BBS9: variants seen among roughly 807,000 people sequenced by gnomAD.
BBS9 encodes protein PTHB1.
A neutral mutation model predicts 117.7 loss-of-function variants in BBS9; 89 were observed. The ratio of observed to expected loss-of-function variants is 0.76; its 90% CI spans 0.64 to 0.90. BBS9 has a LOEUF of 0.90. Among genes scored for constraint, BBS9 ranks in the 40% least tolerant of loss-of-function variants. The pLI, the probability that BBS9 is intolerant of heterozygous loss-of-function variation, is 0.00. For synonymous variants in BBS9, 379 were observed against 370.9 expected (o/e 1.02, Z -0.25); for missense variants, 982 against 1,042.2 (o/e 0.94, Z 0.80).
intron 21 of BBS9, among the ~76,000 whole-genome samples, chr7:33,629,309 G>A (rs923510146): frequency 6.6e-6 from 1 of 152,144 alleles, no homozygotes; most frequent in Non-Finnish European, 1.5e-5. Context: ...TGCATGGGGG[G>A]GTTCTTGCTA....
chr7:33,407,034 A>C (rs894183009), intron 19 of BBS9, among the ~76,000 whole-genome samples: 6 of 152,102 alleles, frequency 3.9e-5, no homozygotes, highest in African/African-American at 1.4e-4. Flanking sequence ...GATGTTTTCC[A>C]AGTTGGTTCC....
At chr7:33,403,206 C>T (rs1829235479) in intron 19 of BBS9, among the ~76,000 whole-genome samples, 1 of 151,252 alleles carries the variant, frequency 6.6e-6, no homozygotes, top group African/African-American at 2.4e-5. Context: ...AGGTAGTGAA[C>T]ATGGTACCCA....
Position 33,364,097 on chromosome 7 carries a change from C to T in BBS9, c.1694-3670C>T, listed in dbSNP as rs530077345. On this transcript the variant is annotated intron_variant, in intron 16 of 22. Coordinates refer to ENST00000242067, the MANE Select transcript of BBS9 (RefSeq NM_198428.3). The stretch of plus-strand genomic sequence containing the variant: ...CCGAGTAGCTGGGACTACAGGCGCC[C>T]GCTACCACGCCCGGCTAATTTTTTG... Among the ~76,000 whole-genome samples, 4 of 88,712 alleles carry T rather than the reference C, an allele frequency of 4.5e-5. 1 individual carries two copies. The highest frequency in any genetic ancestry group is 9.7e-5 in the African/African-American group (2 of 20,552). 58.2% of individuals were successfully genotyped at this position (88,712 alleles called of 152,430 possible).
chr7:33,236,430 A>G (rs1793514663), intron 5 of BBS9, among the ~76,000 whole-genome samples: 1 of 151,868 alleles, frequency 6.6e-6, no homozygotes, highest in Non-Finnish European at 1.5e-5. Flanking sequence ...GTGATTGCTA[A>G]TTCAGAATTT....
intron 19 of BBS9, among the ~76,000 whole-genome samples, chr7:33,423,537 T>G (rs1012418327): frequency 6.6e-6 from 1 of 151,008 alleles, no homozygotes; most frequent in Non-Finnish European, 1.5e-5. Context: ...GTGTGAAGAA[T>G]ATATAAATGT....
At chr7:33,386,737 G>A (rs528004035) in intron 18 of BBS9, among the ~76,000 whole-genome samples, 12 of 151,656 alleles carry the variant, frequency 7.9e-5, no homozygotes, top group African/African-American at 1.2e-4. Context: ...CTCGTGATCC[G>A]CCCGCCTCGG....
chr7:33,491,366 G>T (rs1205043824), intron 19 of BBS9, among the ~76,000 whole-genome samples: 1 of 152,166 alleles, frequency 6.6e-6, no homozygotes, highest in Non-Finnish European at 1.5e-5. Context: ...ATGGGTGTAT[G>T]GGTGGGAGAG....
At chr7:33,213,001 G>A (rs1187110222) in intron 5 of BBS9, among the ~76,000 whole-genome samples, 1 of 152,154 alleles carries the variant, frequency 6.6e-6, no homozygotes, top group African/African-American at 2.4e-5. Flanking sequence ...AAGGCCTGCT[G>A]TAACCACTAC....
At chr7:33,489,155 G>A (rs964559301) in intron 19 of BBS9, among the ~76,000 whole-genome samples, 1 of 151,640 alleles carries the variant, frequency 6.6e-6, no homozygotes, top group African/African-American at 2.4e-5. Flanking sequence ...ACCACGCCTG[G>A]CTAACTTTTT....
intron 19 of BBS9, among the ~76,000 whole-genome samples, chr7:33,470,910 A>G (rs6462480): frequency 0.73 from 110,330 of 151,304 alleles, 40,673 homozygotes; most frequent in African/African-American, 0.85. Context: ...AAAAGATGGG[A>G]GGGATAGAAA....
intron 21 of BBS9, among the ~76,000 whole-genome samples, chr7:33,549,125 T>C (rs1002999757): frequency 1.4e-5 from 2 of 146,720 alleles, no homozygotes; most frequent in Non-Finnish European, 3.0e-5. Flanking sequence ...TAACGCCGCA[T>C]ATCTACAGCT....
At chr7:33,331,354 T>C (rs1346621323) in intron 9 of BBS9, among the ~76,000 whole-genome samples, 3 of 152,202 alleles carry the variant, frequency 2.0e-5, no homozygotes, top group Non-Finnish European at 4.4e-5. Flanking sequence ...CCTTGAGAAT[T>C]GGGATAAGAC....
At chr7:33,581,874 T>A (rs1860004367) in intron 21 of BBS9, among the ~76,000 whole-genome samples, 1 of 152,180 alleles carries the variant, frequency 6.6e-6, no homozygotes, top group East Asian at 1.9e-4. Context: ...TACTATCAAT[T>A]CCTTAATAGA....
In BBS9 at chr7:33,393,166, A is replaced by AAAAC. The variant is rs752090932; in HGVS notation, c.2115+5046_2115+5049dup. On this transcript the variant is annotated intron_variant, in intron 19 of 22. Transcript: ENST00000242067. ...GGGCAACAGTGTGAGACCCTGTCTC[A>AAAAC]AAACAAACAAACAAACAAACAAACA... 5.0e-3 allele frequency among the ~76,000 whole-genome samples: 760 copies of AAAAC among 152,240 alleles called. 2 individuals are homozygous for AAAAC. The highest frequency in any genetic ancestry group is 0.016 in the African/African-American group (667 of 41,516).
At chr7:33,438,143 A>G (rs1283596995) in intron 19 of BBS9, among the ~76,000 whole-genome samples, 1 of 152,178 alleles carries the variant, frequency 6.6e-6, no homozygotes, top group Non-Finnish European at 1.5e-5. Context: ...ATCTATATAT[A>G]AAAAATGCAA....
chr7:33,624,761 G>A (rs1389621916), intron 21 of BBS9, among the ~76,000 whole-genome samples: 1 of 152,150 alleles, frequency 6.6e-6, no homozygotes. Flanking sequence ...TTTTGGGGGA[G>A]TTAAAGGGGG....
At chr7:33,232,441 C>T (rs181414323) in intron 5 of BBS9, among the ~76,000 whole-genome samples, 1 of 152,190 alleles carries the variant, frequency 6.6e-6, no homozygotes, top group East Asian at 1.9e-4. Context: ...TTTTGGTGAA[C>T]ACTTAGAGAC....
At chr7:33,201,036 G>A (rs1785760428) in intron 5 of BBS9, among the ~76,000 whole-genome samples, 1 of 152,152 alleles carries the variant, frequency 6.6e-6, no homozygotes, top group Non-Finnish European at 1.5e-5. Context: ...ATAACTGGCT[G>A]TTTTATTGGG....
At chr7:33,620,601 A>G (rs920878681) in intron 21 of BBS9, among the ~76,000 whole-genome samples, 2 of 152,132 alleles carry the variant, frequency 1.3e-5, no homozygotes, top group African/African-American at 4.8e-5. Context: ...AAAAAACACA[A>G]ATGAAAAAAT....
Sources: allele counts gnomAD v4.1 joint callset (sites outside exome capture counted in the v4.1 genomes callset), GRCh38; gene constraint gnomAD v4.1.1; transcripts MANE v1.5; gene names NCBI Gene and HGNC (gene_info 2026-07-23, HGNC 2026-07-21).